Variants in TRA2B observed in about 807,000 individuals in gnomAD.
TRA2B encodes transformer-2 protein homolog beta.
In TRA2B, 14 loss-of-function variants were observed where a neutral mutation model predicts 41.7. That is an observed-to-expected ratio of 0.34 (90% CI 0.22 to 0.53). The LOEUF is 0.53. Among genes scored for constraint, TRA2B ranks in the 20% least tolerant of loss-of-function variants. TRA2B has a pLI of 0.95. For missense variants in TRA2B, 167 were observed against 396.8 expected, an observed-to-expected ratio of 0.42 and a Z score of 4.92; for synonymous variants, 130 against 128.8, an observed-to-expected ratio of 1.01 and a Z score of -0.06.
At chr3:185,918,972 T>A (rs1270127697) in intron 7 of TRA2B, among the ~76,000 whole-genome samples, 2 of 152,118 alleles carry the variant, frequency 1.3e-5, no homozygotes, top group Non-Finnish European at 2.9e-5. Context: ...ACACTCTGTC[T>A]CCAAAAATTA....
chr3:185,920,139 A>T (rs552867765), intron 6 of TRA2B, among the ~76,000 whole-genome samples: 4 of 152,228 alleles, frequency 2.6e-5, no homozygotes, highest in Non-Finnish European at 5.9e-5. Context: ...TGGCAAAAAT[A>T]AAAAGCCACA....
chr3:185,917,639 A>C lies in TRA2B; in HGVS notation c.*76T>G. ...CTTCACTAGGCACTGTTCACTTTTT[A>C]AACAAGAGACAATAAAAAATATTGC... is the stretch of plus-strand genomic sequence containing the variant. On this transcript the variant is annotated 3_prime_UTR_variant, in exon 9 of 9. Transcript: ENST00000453386. 6.5e-7 allele frequency: 1 copy of C among 1,540,630 alleles called. No individual in the cohort carries two copies. Among genetic ancestry groups the C allele is most frequent in the South Asian group, 1.1e-5 (1 of 87,476 alleles).
At chr3:185,936,539 T>A in intron 1 of TRA2B, 2 of 985,458 alleles carry the variant, frequency 2.0e-6, no homozygotes, top group Non-Finnish European at 2.4e-6. Flanking sequence ...GAAAATTTCT[T>A]CCTAAAATAC....
rs373761520 is a variant in TRA2B at position 185,923,653 on chromosome 3, G to C, written c.522+143C>G. 4.3e-6 allele frequency: 3 copies of C among 695,668 alleles called. No individual in the cohort carries two copies. In the South Asian group the frequency reaches 9.1e-5, roughly 21 times the overall value. The allele number at this position is 695,668 out of a possible 1,614,324, so 43.1% of individuals were successfully genotyped here. A position where few individuals can be genotyped will look rare whatever the true frequency, so the allele number is the denominator to read the frequency against. ...TATACAAAATTTTGTTATTCTGCAT[G>C]TATCTTGAGTCTCCACAAGAGGTTG... On this transcript the variant is annotated intron_variant, in intron 4 of 8. Coordinates refer to ENST00000453386, the MANE Select transcript of TRA2B (RefSeq NM_004593.3).
chr3:185,926,501 CCAA>C (rs1743958883), intron 2 of TRA2B, 97 bp downstream of exon 2: 1 of 1,479,230 alleles, frequency 6.8e-7, no homozygotes, highest in South Asian at 1.2e-5. Context: ...ATTTAATAGG[CCAA>C]CAAATAATCT....
chr3:185,928,490 T>C (rs1489443282), intron 1 of TRA2B: 1 of 152,208 alleles, frequency 6.6e-6, no homozygotes, highest in Non-Finnish European at 1.5e-5. Context: ...GGGCTTCCAA[T>C]TAACAACAAT....
intron 8 of TRA2B, among the ~76,000 whole-genome samples, chr3:185,918,000 C>T (rs1743567965): frequency 1.3e-5 from 2 of 152,096 alleles, no homozygotes; most frequent in African/African-American, 4.8e-5. Flanking sequence ...TTTTTAAGGA[C>T]TCTTGAAAAG....
chr3:185,926,209 C>T (rs1323704555), intron 2 of TRA2B, among the ~76,000 whole-genome samples: 1 of 150,606 alleles, frequency 6.6e-6, no homozygotes, highest in African/African-American at 2.4e-5. Flanking sequence ...AAAAAAAGCG[C>T]ACCATATATA....
intron 2 of TRA2B, among the ~76,000 whole-genome samples, chr3:185,926,044 CTT>C (rs1486266903): frequency 6.6e-6 from 1 of 152,106 alleles, no homozygotes; most frequent in Non-Finnish European, 1.5e-5. Flanking sequence ...TTGAGTGGCT[CTT>C]GACTAACTAG....
rs1297346751 is a variant in TRA2B at position 185,917,297 on chromosome 3, CT to C, written c.*417del. 5.9e-6 allele frequency: 1 copy of C among 168,904 alleles called. No homozygotes were observed. The highest frequency in any genetic ancestry group is 1.3e-5 in the Non-Finnish European group (1 of 79,050). 10.5% of individuals were successfully genotyped at this position (168,904 alleles called of 1,614,324 possible). A position where few individuals can be genotyped will look rare whatever the true frequency, so the allele number is the denominator to read the frequency against. On this transcript the variant is annotated 3_prime_UTR_variant, in exon 9 of 9. Transcript: ENST00000453386. ...TTTACTACTGACAATCTGAATAGTT[CT>C]GCTAAGCATTGATATGTTAGAAAGA...
chr3:185,934,441 C>T (rs1169190810), intron 1 of TRA2B: 1 of 985,296 alleles, frequency 1.0e-6, no homozygotes, highest in South Asian at 4.7e-5. Flanking sequence ...TATAAAATCA[C>T]CTGTAATGTC....
intron 4 of TRA2B, chr3:185,923,340 T>C (rs546560557): frequency 6.5e-6 from 1 of 152,804 alleles, no homozygotes; most frequent in African/African-American, 2.4e-5. Flanking sequence ...GCTACCATCC[T>C]TAATGTACCT....
intron 8 of TRA2B, 107 bp downstream of exon 8, chr3:185,918,258 A>G (rs967495769): frequency 4.0e-5 from 30 of 746,822 alleles, no homozygotes; most frequent in Non-Finnish European, 3.3e-5. Context: ...GAGAATCATT[A>G]GGTATGAAAC....
Position 185,918,497 on chromosome 3 carries a change from T to A in TRA2B, c.783-59A>T, listed in dbSNP as rs376402396. The A allele has an allele frequency of 3.7e-5, 46 of 1,247,692 alleles. No individual in the cohort carries two copies. In the Admixed American group the frequency reaches 7.8e-4, roughly 21 times the overall value. The allele number at this position is 1,247,692 out of a possible 1,614,324, so 77.3% of individuals were successfully genotyped here. ...ATAGATCACAATTAGACCAAACATA[T>A]AAATTTATGACTATATATACTGCCC... On this transcript the variant is annotated intron_variant, in intron 7 of 8. Transcript: ENST00000453386.
At chr3:185,924,386 G>A (rs1174082430) in intron 3 of TRA2B, 1 of 162,598 alleles carries the variant, frequency 6.2e-6, no homozygotes, top group African/African-American at 2.4e-5. Context: ...AGAATGCTCT[G>A]AATTGCCAAA....
chr3:185,931,647 TC>T, intron 1 of TRA2B: 10 of 1,287,928 alleles, frequency 7.8e-6, no homozygotes, highest in Non-Finnish European at 9.8e-6. Context: ...TCTTCATTCT[TC>T]CGTTTCAAAT....
At chr3:185,934,628 T>C in intron 1 of TRA2B, 2 of 985,400 alleles carry the variant, frequency 2.0e-6, no homozygotes, top group Non-Finnish European at 2.4e-6. Context: ...TAAAGGAAAT[T>C]TGGTGAGATG....
chr3:185,919,003 C>A (rs952744604), intron 7 of TRA2B, among the ~76,000 whole-genome samples: 2 of 152,116 alleles, frequency 1.3e-5, no homozygotes, highest in Non-Finnish European at 2.9e-5. Context: ...TGAGAAAATT[C>A]CCATACCATT....
intron 1 of TRA2B, among the ~76,000 whole-genome samples, chr3:185,930,776 T>G (rs1349562694): frequency 6.6e-6 from 1 of 152,204 alleles, no homozygotes; most frequent in Non-Finnish European, 1.5e-5. Flanking sequence ...AGCTACTTTG[T>G]AACCGTTACC....
Sources: gnomAD v4.1 joint callset for allele counts (sites outside exome capture counted in the v4.1 genomes callset) on GRCh38, gnomAD v4.1.1 for gene constraint, MANE v1.5 for transcripts, NCBI Gene and HGNC (gene_info 2026-07-23, HGNC 2026-07-21) for gene names.